ACACA: variants seen among roughly 807,000 people sequenced by gnomAD.
ACACA encodes the protein acetyl-CoA carboxylase 1.
Under a neutral mutation model 296.1 loss-of-function variants are expected in ACACA, and 103 were observed. The observed-to-expected ratio is 0.35, with a 90% CI of 0.30 to 0.41. The LOEUF (loss-of-function observed/expected upper bound fraction) is 0.41, where lower values mean the gene tolerates loss of function less well. ACACA is among the 10% of genes least tolerant of loss of function. ACACA has a pLI of 1.00. For missense variants in ACACA, 1,554 were observed against 2,989.7 expected, an observed-to-expected ratio of 0.52 and a Z score of 11.20; for synonymous variants, 953 against 1,038.6, an observed-to-expected ratio of 0.92 and a Z score of 1.58.
At chr17:37,219,649 A>G (rs2079189691) in intron 29 of ACACA, among the ~76,000 whole-genome samples, 1 of 150,048 alleles carries the variant, frequency 6.7e-6, no homozygotes, top group South Asian at 2.1e-4. Context: ...CATTTGGGGG[A>G]AAAATATATT....
At chr17:37,167,578 CAA>C (rs2076728937) in intron 41 of ACACA, among the ~76,000 whole-genome samples, 1 of 151,574 alleles carries the variant, frequency 6.6e-6, no homozygotes, top group East Asian at 1.9e-4. Flanking sequence ...CTCGGCCTCC[CAA>C]AGTGCTGGGA....
chr17:37,231,428 CT>C (rs1418833397), intron 25 of ACACA, among the ~76,000 whole-genome samples: 3 of 152,150 alleles, frequency 2.0e-5, no homozygotes, highest in African/African-American at 7.2e-5. Context: ...CATATCTGCA[CT>C]TTTTGATATC....
chr17:37,297,945 T>G (rs1196190505), intron 3 of ACACA, among the ~76,000 whole-genome samples: 1 of 152,088 alleles, frequency 6.6e-6, no homozygotes, highest in Non-Finnish European at 1.5e-5. Context: ...ATAGATTATA[T>G]ATATCTCAGT....
At chr17:37,275,468 C>T (rs1296606826) in intron 8 of ACACA, among the ~76,000 whole-genome samples, 2 of 142,598 alleles carry the variant, frequency 1.4e-5, no homozygotes. Flanking sequence ...TGCACTCCAG[C>T]CTGGGCAACA....
At chr17:37,163,625 C>T (rs2076553450) in intron 41 of ACACA, among the ~76,000 whole-genome samples, 1 of 152,158 alleles carries the variant, frequency 6.6e-6, no homozygotes, top group Non-Finnish European at 1.5e-5. Flanking sequence ...ATAACAGAAA[C>T]ACTCTTTACT....
chr17:37,151,217 G>A, intron 44 of ACACA, 84 bp downstream of exon 44: 1 of 1,484,352 alleles, frequency 6.7e-7, no homozygotes, highest in Non-Finnish European at 9.3e-7. Context: ...TCTCATTTGG[G>A]ACTGAATAGC....
intron 45 of ACACA, among the ~76,000 whole-genome samples, chr17:37,147,513 T>C (rs1451810896): frequency 6.6e-6 from 1 of 151,860 alleles, no homozygotes; most frequent in Non-Finnish European, 1.5e-5. Context: ...AAGGAGTGAG[T>C]CAGAGGAAGC....
intron 43 of ACACA, among the ~76,000 whole-genome samples, chr17:37,152,887 C>T (rs572476010): frequency 8.5e-5 from 13 of 152,278 alleles, no homozygotes; most frequent in African/African-American, 3.1e-4. Flanking sequence ...TTCCAGCCCT[C>T]CATCAATTCT....
At chr17:37,323,665 A>C (rs1246538248) in intron 3 of ACACA, among the ~76,000 whole-genome samples, 1 of 152,218 alleles carries the variant, frequency 6.6e-6, no homozygotes, top group East Asian at 1.9e-4. Flanking sequence ...CTAGAGAGGA[A>C]GGAGGTGGAT....
At chr17:37,272,571 A>C (rs2082115011) in intron 9 of ACACA, among the ~76,000 whole-genome samples, 1 of 152,154 alleles carries the variant, frequency 6.6e-6, no homozygotes. Flanking sequence ...ACTTAAAAAA[A>C]AAAGGGGGTA....
chr17:37,233,219 G>C (rs945127460), intron 25 of ACACA, among the ~76,000 whole-genome samples: 1 of 152,114 alleles, frequency 6.6e-6, no homozygotes, highest in African/African-American at 2.4e-5. Context: ...CCTGAGCTCC[G>C]AACAGCTGCC....
intron 33 of ACACA, 142 bp from the exon 34 acceptor site, chr17:37,200,625 T>A: frequency 1.3e-6 from 1 of 761,166 alleles, no homozygotes; most frequent in East Asian, 2.7e-5. Context: ...CCTTCAAACT[T>A]GCAAGTGAAC....
At chr17:37,331,094 CATTTATTTATTTATTT>C (rs34937895) in intron 2 of ACACA, among the ~76,000 whole-genome samples, 69 of 146,272 alleles carry the variant, frequency 4.7e-4, no homozygotes, top group Middle Eastern at 7.0e-3. Flanking sequence ...TTTTATTTTT[CATTTATTTATTTATTT>C]ATTTATTTAT....
chr17:37,205,646 T>C, intron 33 of ACACA, 119 bp downstream of exon 33: 1 of 824,136 alleles, frequency 1.2e-6, no homozygotes, highest in Non-Finnish European at 2.1e-6. Flanking sequence ...GAACTAGCCA[T>C]AGTTCTGAGA....
intron 1 of ACACA, among the ~76,000 whole-genome samples, chr17:37,346,603 G>A (rs1165358067): frequency 6.6e-6 from 1 of 150,896 alleles, no homozygotes; most frequent in African/African-American, 2.4e-5. Context: ...TCAGGAGGCT[G>A]AGGCAGGAGA....
intron 16 of ACACA, among the ~76,000 whole-genome samples, chr17:37,251,750 A>G (rs2081005794): frequency 6.6e-6 from 1 of 152,322 alleles, no homozygotes. Flanking sequence ...ACTACTGCAG[A>G]TGGATTCCAG....
chr17:37,325,625 G>A (rs1840557036), intron 3 of ACACA, among the ~76,000 whole-genome samples: 1 of 132,774 alleles, frequency 7.5e-6, no homozygotes, highest in Non-Finnish European at 1.6e-5. Flanking sequence ...CCAGGCTGGA[G>A]TGCAATGGCA....
At chr17:37,272,601 G>A (rs531356586) in intron 9 of ACACA, among the ~76,000 whole-genome samples, 1 of 151,986 alleles carries the variant, frequency 6.6e-6, no homozygotes, top group African/African-American at 2.4e-5. Context: ...AGGTCAGTAA[G>A]TAAGAAGGTA....
At chr17:37,336,226 A>G (rs926897609) in intron 2 of ACACA, among the ~76,000 whole-genome samples, 2 of 152,132 alleles carry the variant, frequency 1.3e-5, no homozygotes, top group Admixed American at 6.6e-5. Context: ...TAATGACATC[A>G]AAGGCACCCC....
Sources: allele counts gnomAD v4.1 joint callset (sites outside exome capture counted in the v4.1 genomes callset), GRCh38; gene constraint gnomAD v4.1.1; transcripts MANE v1.5; gene names NCBI Gene and HGNC (gene_info 2026-07-23, HGNC 2026-07-21).